AASDH: variants seen among roughly 807,000 people sequenced by gnomAD.
The protein encoded by AASDH is aminoadipate-semialdehyde dehydrogenase, also known as beta-alanine-activating enzyme.
A neutral mutation model predicts 102.3 loss-of-function variants in AASDH; 81 were observed. The ratio of observed to expected loss-of-function variants is 0.79; its 90% CI spans 0.66 to 0.95. The LOEUF is 0.95. Ranked by LOEUF, AASDH falls within the 40% of genes least tolerant of loss-of-function variation. AASDH has a pLI of 0.00. For missense variants in AASDH, 1,203 were observed against 1,266.2 expected, an observed-to-expected ratio of 0.95 and a Z score of 0.76; for synonymous variants, 398 against 454.0, an observed-to-expected ratio of 0.88 and a Z score of 1.57.
At position 56,338,644 on chromosome 4, in the gene AASDH, T is replaced by C. The variant is rs1400885676; in HGVS notation, c.3055A>G (p.Arg1019Gly). Residue 1019 changes from arginine (R) to glycine (G), a missense_variant, in exon 15 of 15, where the codon AGG (arginine) becomes GGG (glycine). By Grantham distance (125) the Arg-to-Gly change is moderately radical (BLOSUM62 -2). Transcript: ENST00000205214. The part of the protein sequence containing the change: ...HLQWKFETTS[R>G]VYATPFAFHN... ...AAAGCAAACGGTGTTGCATAGACCC[T>C]TGAAGTAGTTTCAAATTTCCACTGC... is the stretch of plus-strand genomic sequence containing the variant. 6.2e-7 allele frequency: 1 copy of C among 1,614,232 alleles called. No individual in the cohort carries two copies. The highest frequency in any genetic ancestry group is 1.1e-5 in the South Asian group (1 of 91,080).
At chr4:56,382,352 A>C (rs1262695156) in intron 3 of AASDH, 125 bp downstream of exon 3, 3 of 900,588 alleles carry the variant, frequency 3.3e-6, no homozygotes, top group Non-Finnish European at 5.0e-6. Context: ...AAAATGTCAT[A>C]GTGCAAAGAC....
intron 4 of AASDH, among the ~76,000 whole-genome samples, chr4:56,372,240 C>A (rs924310507): frequency 1.3e-5 from 2 of 152,182 alleles, no homozygotes; most frequent in African/African-American, 4.8e-5. Flanking sequence ...AGTCTCATGG[C>A]CACGGGATTC....
intron 3 of AASDH, 51 bp downstream of exon 3, chr4:56,382,426 A>G (rs1753077204): frequency 1.4e-6 from 2 of 1,462,220 alleles, no homozygotes; most frequent in South Asian, 1.3e-5. Context: ...GAATGTTTCA[A>G]TTGAAATAAA....
Position 56,338,716 on chromosome 4 carries a change from C to G in AASDH, c.2983G>C (p.Gly995Arg), listed in dbSNP as rs1747209418. Residue 995 changes from glycine to arginine, a missense_variant, in exon 15 of 15, where the codon GGT becomes CGT. Gly to Arg is a moderately radical substitution (Grantham distance 125). Transcript: ENST00000205214. ...CAGTAGATAAAGCAATCATGGGAAC[C>G]AAAAAATATTTTTTGCTCTGATGGT... ...TSPSEQKIFF[G>R]SHDCFIYCCN... 7 of 1,614,026 alleles carry G rather than the reference C, an allele frequency of 4.3e-6. 1 individual carries two copies. Among genetic ancestry groups the G allele is most frequent in the South Asian group, 2.2e-5 (2 of 91,040 alleles).
At chr4:56,379,133 A>C (rs1045278689) in intron 3 of AASDH, among the ~76,000 whole-genome samples, 1 of 151,860 alleles carries the variant, frequency 6.6e-6, no homozygotes, top group African/African-American at 2.4e-5. Context: ...ATGATCCGCC[A>C]GCTTCAGCCT....
Position 56,360,839 on chromosome 4 carries a change from T to G in AASDH, c.862-5416A>C, listed in dbSNP as rs370869198. ...CAAAACATTTACATAGTAGAATGAC[T>G]CTACACCCTCATAGGTACTTATGTC... On this transcript the variant is annotated intron_variant, in intron 5 of 14. Transcript: ENST00000205214. Among the ~76,000 whole-genome samples, 16 of 152,304 alleles carry G rather than the reference T, an allele frequency of 1.1e-4. No individual in the cohort carries two copies. In the East Asian group the frequency reaches 2.5e-3, roughly 24 times the overall value.
chr4:56,350,992 G>A (rs1490272142), intron 10 of AASDH, among the ~76,000 whole-genome samples: 3 of 152,122 alleles, frequency 2.0e-5, no homozygotes, highest in African/African-American at 4.8e-5. Flanking sequence ...AACAGACAAC[G>A]CACTGTGCTA....
chr4:56,361,891 G>C (rs1015155378), intron 5 of AASDH, among the ~76,000 whole-genome samples: 3 of 152,148 alleles, frequency 2.0e-5, no homozygotes, highest in African/African-American at 7.2e-5. Context: ...AGGATCACTT[G>C]AGCCCCAGAA....
At chr4:56,383,702 T>TAC (rs1753235152) in intron 2 of AASDH, among the ~76,000 whole-genome samples, 3 of 152,214 alleles carry the variant, frequency 2.0e-5, no homozygotes, top group Non-Finnish European at 4.4e-5. Flanking sequence ...GTGCCTCAAA[T>TAC]TTCAGTTGCG....
At chr4:56,344,749 G>A (rs1748120601) in intron 12 of AASDH, among the ~76,000 whole-genome samples, 1 of 151,972 alleles carries the variant, frequency 6.6e-6, no homozygotes, top group Non-Finnish European at 1.5e-5. Flanking sequence ...ATTTGGTAAT[G>A]AAGTTAAAAA....
intron 5 of AASDH, among the ~76,000 whole-genome samples, chr4:56,361,493 C>T (rs1316074196): frequency 6.6e-6 from 1 of 152,086 alleles, no homozygotes; most frequent in African/African-American, 2.4e-5. Context: ...GGGCAGAATA[C>T]AAGTCAGCAT....
chr4:56,379,014 G>A (rs1357123919), intron 3 of AASDH, among the ~76,000 whole-genome samples: 1 of 152,008 alleles, frequency 6.6e-6, no homozygotes, highest in Non-Finnish European at 1.5e-5. Flanking sequence ...CTCCCGAGTA[G>A]CTGGGACTAC....
At chr4:56,342,217 T>C (rs1747786475) in intron 14 of AASDH, among the ~76,000 whole-genome samples, 1 of 151,504 alleles carries the variant, frequency 6.6e-6, no homozygotes, top group Non-Finnish European at 1.5e-5. Context: ...AAATAAGTTA[T>C]AATGTTCAGT....
intron 4 of AASDH, 132 bp downstream of exon 4, chr4:56,378,016 G>A: frequency 3.6e-6 from 3 of 840,804 alleles, no homozygotes; most frequent in Non-Finnish European, 5.4e-6. Flanking sequence ...ATGTTGGCCA[G>A]GCTGATCTTG....
chr4:56,353,498 T>C lies in AASDH; in HGVS notation c.1482A>G (p.Lys494=), dbSNP rs763606541. ...LFMVSKDASV[K]EYIFKELQKY... is the part of the protein sequence containing the mutation. Reference sequence around the variant, plus strand: ...TCTGCAGTTCTTTAAAGATGTATTCTTTTACTGAAGCATCTTTAGACACCA... The same window carrying C: ...TCTGCAGTTCTTTAAAGATGTATTCCTTTACTGAAGCATCTTTAGACACCA... The change falls in exon 9 of 15, where the codon AAA becomes AAG. Residue 494 remains lysine (K), a synonymous_variant. Transcript: ENST00000205214. The C allele has an allele frequency of 1.2e-5, 20 of 1,613,856 alleles. No homozygotes were observed. The highest frequency in any genetic ancestry group is 1.6e-5 in the Non-Finnish European group (19 of 1,179,894).
chr4:56,355,210 G>T lies in AASDH; in HGVS notation c.1075C>A (p.Pro359Thr), dbSNP rs140002814. 11 of 1,613,818 alleles carry T rather than the reference G, an allele frequency of 6.8e-6. No individual in the cohort carries two copies. Among genetic ancestry groups the T allele is most frequent in the Non-Finnish European group, 9.3e-6 (11 of 1,179,974 alleles). The change falls in exon 6 of 15, where the codon CCA (proline) becomes ACA (threonine). Residue 359 changes from proline to threonine, a missense_variant. By Grantham distance (38) the Pro-to-Thr change is conservative. Coordinates refer to ENST00000205214, the MANE Select transcript of AASDH (RefSeq NM_181806.4). ...VSSWATIYRI[P>T]EKTLNSTLKC... ...AGAGTAGAGTTAAGAGTCTTCTCTGGAATCCTATAAATGGTCGCCCAACTT... is the reference window on the plus strand; with the variant it reads ...AGAGTAGAGTTAAGAGTCTTCTCTGTAATCCTATAAATGGTCGCCCAACTT...
intron 5 of AASDH, among the ~76,000 whole-genome samples, chr4:56,361,355 G>A (rs1750271749): frequency 6.6e-6 from 1 of 152,084 alleles, no homozygotes; most frequent in African/African-American, 2.4e-5. Context: ...GTTGCGGTGA[G>A]CTGAGATCAC....
At chr4:56,376,874 C>T (rs907661970) in intron 4 of AASDH, among the ~76,000 whole-genome samples, 4 of 151,484 alleles carry the variant, frequency 2.6e-5, no homozygotes, top group East Asian at 1.9e-4. Context: ...GAGACCATCC[C>T]GGCTAAAACA....
chr4:56,350,270 C>T (rs1011871467), intron 10 of AASDH, among the ~76,000 whole-genome samples: 1 of 152,156 alleles, frequency 6.6e-6, no homozygotes, highest in African/African-American at 2.4e-5. Context: ...TCCTGGCCAA[C>T]ACAGTGAAAC....
Sources: allele counts gnomAD v4.1 joint callset (sites outside exome capture counted in the v4.1 genomes callset), GRCh38; gene constraint gnomAD v4.1.1; transcripts MANE v1.5; gene names NCBI Gene and HGNC (gene_info 2026-07-23, HGNC 2026-07-21).